DLG2: variants seen among roughly 807,000 people sequenced by gnomAD.
DLG2 encodes the protein disks large homolog 2.
Under a neutral mutation model 132.5 loss-of-function variants are expected in DLG2, and 45 were observed. The ratio of observed to expected loss-of-function variants is 0.34; its 90% CI spans 0.27 to 0.44. The LOEUF (loss-of-function observed/expected upper bound fraction) is 0.44. Ranked by LOEUF, DLG2 falls within the 20% of genes least tolerant of loss-of-function variation. The pLI is 1.00. For missense variants in DLG2, 1,045 were observed against 1,196.9 expected (o/e 0.87, Z 1.87); for synonymous variants, 424 against 419.6 (o/e 1.01, Z -0.13).
At chr11:85,293,996 CT>C (rs1453966883) in intron 3 of DLG2, among the ~76,000 whole-genome samples, 1 of 152,024 alleles carries the variant, frequency 6.6e-6, no homozygotes, top group Non-Finnish European at 1.5e-5. Context: ...AATTCCAACA[CT>C]TTGGGACGCC....
intron 9 of DLG2, among the ~76,000 whole-genome samples, chr11:84,134,834 A>G (rs1443105836): frequency 6.6e-6 from 1 of 151,594 alleles, no homozygotes; most frequent in Non-Finnish European, 1.5e-5. Flanking sequence ...TGCTAATTCC[A>G]CCCTCTCCCT....
At chr11:84,171,404 T>C (rs540462406) in intron 8 of DLG2, among the ~76,000 whole-genome samples, 2 of 152,262 alleles carry the variant, frequency 1.3e-5, no homozygotes, top group Non-Finnish European at 2.9e-5. Flanking sequence ...TCCCACCTTC[T>C]CATCCTTCCA....
intron 6 of DLG2, among the ~76,000 whole-genome samples, chr11:84,701,294 A>G (rs1435021727): frequency 2.0e-5 from 3 of 151,440 alleles, no homozygotes; most frequent in Non-Finnish European, 4.4e-5. Flanking sequence ...CCTTCTATGC[A>G]TTGTCAGGTG....
chr11:83,535,607 C>T (rs1260161039), intron 20 of DLG2, among the ~76,000 whole-genome samples: 1 of 151,906 alleles, frequency 6.6e-6, no homozygotes, highest in Non-Finnish European at 1.5e-5. Context: ...ATACACTCAC[C>T]TACCATTTGC....
intron 15 of DLG2, among the ~76,000 whole-genome samples, chr11:83,899,162 C>G (rs1193257281): frequency 6.6e-6 from 1 of 152,028 alleles, no homozygotes; most frequent in Non-Finnish European, 1.5e-5. Flanking sequence ...TAAATCTGTT[C>G]TGGGGAAATT....
chr11:85,046,212 T>A (rs544933654), intron 6 of DLG2, among the ~76,000 whole-genome samples: 45 of 152,156 alleles, frequency 3.0e-4, no homozygotes, highest in African/African-American at 1.0e-3. Flanking sequence ...TTAGTTTCTA[T>A]CTGAGAGCTG....
chr11:83,708,585 C>T (rs12223210), intron 18 of DLG2, among the ~76,000 whole-genome samples: 29,497 of 152,028 alleles, frequency 0.19, 3,038 homozygotes, highest in South Asian at 0.24. Context: ...TCCCCAATTT[C>T]GTATCACTTG....
At chr11:84,668,682 A>G (rs913740881) in intron 6 of DLG2, among the ~76,000 whole-genome samples, 1 of 152,128 alleles carries the variant, frequency 6.6e-6, no homozygotes, top group African/African-American at 2.4e-5. Flanking sequence ...GTCTTTCTAG[A>G]GCAATAATAT....
intron 6 of DLG2, among the ~76,000 whole-genome samples, chr11:84,580,320 C>A (rs2099513436): frequency 6.6e-6 from 1 of 152,150 alleles, no homozygotes; most frequent in Non-Finnish European, 1.5e-5. Context: ...GTAAAATTTG[C>A]ATGGATTTTT....
intron 6 of DLG2, among the ~76,000 whole-genome samples, chr11:84,544,137 G>T (rs2099384845): frequency 6.6e-6 from 1 of 152,194 alleles, no homozygotes; most frequent in African/African-American, 2.4e-5. Flanking sequence ...TGGAAATGTA[G>T]CCTGGTAGAA....
intron 4 of DLG2, among the ~76,000 whole-genome samples, chr11:85,234,902 C>T (rs926631940): frequency 6.6e-6 from 1 of 151,950 alleles, no homozygotes. Flanking sequence ...AAAATCACCA[C>T]AGACACAAAT....
At chr11:85,097,261 C>T (rs1485639478) in intron 6 of DLG2, among the ~76,000 whole-genome samples, 1 of 152,006 alleles carries the variant, frequency 6.6e-6, no homozygotes, top group African/African-American at 2.4e-5. Flanking sequence ...CTTTAGGCAC[C>T]CGGGCTCACC....
chr11:83,836,694 C>T (rs1052010863), intron 16 of DLG2, among the ~76,000 whole-genome samples: 2 of 152,170 alleles, frequency 1.3e-5, no homozygotes, highest in Non-Finnish European at 1.5e-5. Context: ...ATGGGTCCCT[C>T]TTAGAACTCT....
At chr11:85,214,703 A>G (rs768099727) in intron 4 of DLG2, among the ~76,000 whole-genome samples, 18 of 152,212 alleles carry the variant, frequency 1.2e-4, no homozygotes, top group Admixed American at 4.6e-4. Context: ...GCTTAGCTCA[A>G]CACTTTGGAT....
intron 14 of DLG2, among the ~76,000 whole-genome samples, chr11:83,938,810 TAGA>T (rs1380225775): frequency 2.0e-5 from 3 of 152,204 alleles, no homozygotes; most frequent in Non-Finnish European, 4.4e-5. Flanking sequence ...CACATGTGCA[TAGA>T]AACCCAGAAA....
chr11:84,297,624 C>G lies in DLG2; in HGVS notation c.520-46333G>C, dbSNP rs573884035. Among the ~76,000 whole-genome samples, 5 of 152,162 alleles carry G rather than the reference C, an allele frequency of 3.3e-5. No individual in the cohort carries two copies. The East Asian group carries it at 9.7e-4, about 30-fold the overall frequency. On this transcript the variant is annotated intron_variant, in intron 7 of 27. Transcript: ENST00000376104. Reference sequence around the variant, plus strand: ...CTAGTCTCCCTCCTTCCATTCTTGCCCCTCCCCTCAAACTCATTCTCACTG... The same window carrying G: ...CTAGTCTCCCTCCTTCCATTCTTGCGCCTCCCCTCAAACTCATTCTCACTG...
intron 5 of DLG2, among the ~76,000 whole-genome samples, chr11:85,121,678 A>G (rs543049887): frequency 6.6e-6 from 1 of 152,212 alleles, no homozygotes; most frequent in African/African-American, 2.4e-5. Flanking sequence ...CTATTAGTCC[A>G]TTTCTTTTAT....
At chr11:84,762,852 G>T (rs1383457753) in intron 6 of DLG2, among the ~76,000 whole-genome samples, 1 of 152,102 alleles carries the variant, frequency 6.6e-6, no homozygotes, top group Non-Finnish European at 1.5e-5. Context: ...CATACTAAGG[G>T]CTATGTTGGG....
Position 85,435,374 on chromosome 11 carries a change from C to T in DLG2, c.41-150009G>A, listed in dbSNP as rs150894924. ...TGGGAAGAGAGGGAAGTCAAATTGT[C>T]GCTGTTTGCAGATGACATATTCCTA... On this transcript the variant is annotated intron_variant, in intron 3 of 27. Coordinates refer to ENST00000376104, the MANE Select transcript of DLG2 (RefSeq NM_001142699.3). Among the ~76,000 whole-genome samples, 35 of 152,220 alleles carry T rather than the reference C, an allele frequency of 2.3e-4. 1 individual carries two copies. The highest frequency in any genetic ancestry group is 7.9e-4 in the African/African-American group (33 of 41,540).
Sources: gnomAD v4.1 joint callset for allele counts (sites outside exome capture counted in the v4.1 genomes callset) on GRCh38, gnomAD v4.1.1 for gene constraint, MANE v1.5 for transcripts, NCBI Gene and HGNC (gene_info 2026-07-23, HGNC 2026-07-21) for gene names.